ROBO1: variants seen among roughly 807,000 people sequenced by gnomAD.
ROBO1 encodes roundabout homolog 1.
In ROBO1, 149 loss-of-function variants were observed where a neutral mutation model predicts 195.9. The observed-to-expected ratio is 0.76, with a 90% CI of 0.67 to 0.87. The LOEUF (loss-of-function observed/expected upper bound fraction) is 0.87. Ranked by LOEUF, ROBO1 falls within the 40% of genes least tolerant of loss-of-function variation. The pLI is 0.00. For missense variants in ROBO1, 1,933 were observed against 2,068.3 expected (o/e 0.93, Z 1.27); for synonymous variants, 816 against 733.2 (o/e 1.11, Z -1.82).
In ROBO1 at chr3:79,583,509, A is replaced by G. The variant is rs140860798; in HGVS notation, c.88+6315T>C. 3.5e-4 allele frequency among the ~76,000 whole-genome samples: 53 copies of G among 152,062 alleles called. 1 individual carries two copies. The East Asian group carries it at 0.01, about 29-fold the overall frequency. On this transcript the variant is annotated intron_variant, in intron 2 of 30. Transcript: ENST00000464233. ...AATTCTGGAGAAATATCTGAAAAAG[A>G]TATTTCTTCCTAAGGAAGAAGAAAA...
chr3:79,240,078 T>C (rs902227843), intron 2 of ROBO1, among the ~76,000 whole-genome samples: 1 of 152,168 alleles, frequency 6.6e-6, no homozygotes, highest in Admixed American at 6.5e-5. Flanking sequence ...CTTTTAGCAA[T>C]GTTTAGGTAT....
intron 2 of ROBO1, among the ~76,000 whole-genome samples, chr3:79,580,848 T>C (rs1943638509): frequency 6.8e-6 from 1 of 148,106 alleles, no homozygotes; most frequent in South Asian, 2.1e-4. Flanking sequence ...TACATTCAAC[T>C]TCTTCTCAAG....
chr3:79,322,922 A>C (rs1056010670), intron 2 of ROBO1, among the ~76,000 whole-genome samples: 1 of 152,228 alleles, frequency 6.6e-6, no homozygotes, highest in Non-Finnish European at 1.5e-5. Context: ...CAATTTGTTA[A>C]TCTTTTAAAT....
intron 2 of ROBO1, among the ~76,000 whole-genome samples, chr3:79,532,404 T>C (rs1209943165): frequency 6.6e-6 from 1 of 152,138 alleles, no homozygotes; most frequent in African/African-American, 2.4e-5. Flanking sequence ...TTTCTAAACA[T>C]AGAAGGAAAA....
chr3:79,653,023 C>A (rs1489678574), intron 1 of ROBO1, among the ~76,000 whole-genome samples: 1 of 151,688 alleles, frequency 6.6e-6, no homozygotes, highest in Non-Finnish European at 1.5e-5. Flanking sequence ...TATGTTTTTG[C>A]TTCACTTAAC....
At chr3:79,486,142 C>T (rs1244057348) in intron 2 of ROBO1, among the ~76,000 whole-genome samples, 1 of 152,088 alleles carries the variant, frequency 6.6e-6, no homozygotes, top group East Asian at 1.9e-4. Context: ...AATAAAAGCT[C>T]TCAGAAGAGT....
At chr3:78,978,145 T>C (rs1262814029) in intron 3 of ROBO1, among the ~76,000 whole-genome samples, 2 of 152,140 alleles carry the variant, frequency 1.3e-5, no homozygotes, top group African/African-American at 2.4e-5. Context: ...GTAGATGATA[T>C]TTTGATTTCA....
chr3:79,671,825 T>C (rs1022729814), intron 1 of ROBO1, among the ~76,000 whole-genome samples: 5 of 151,920 alleles, frequency 3.3e-5, no homozygotes, highest in African/African-American at 7.2e-5. Context: ...ATTAGCATAA[T>C]TGAGTGTTCA....
intron 2 of ROBO1, among the ~76,000 whole-genome samples, chr3:79,531,353 G>A (rs1053149654): frequency 2.6e-5 from 4 of 152,050 alleles, no homozygotes; most frequent in Admixed American, 6.6e-5. Flanking sequence ...CAGGCATGGC[G>A]GCTCAGGCCT....
intron 2 of ROBO1, among the ~76,000 whole-genome samples, chr3:79,514,497 C>A (rs775149603): frequency 1.3e-5 from 2 of 151,912 alleles, no homozygotes. Flanking sequence ...AACCTTTGGG[C>A]TGGACACAGT....
chr3:79,659,314 A>G (rs1025464216), intron 1 of ROBO1, among the ~76,000 whole-genome samples: 104 of 152,264 alleles, frequency 6.8e-4, no homozygotes, highest in African/African-American at 2.4e-3. Flanking sequence ...TGATTTAGCC[A>G]TTTAACTCTT....
At chr3:78,643,352 C>T (rs1464351873) in intron 21 of ROBO1, among the ~76,000 whole-genome samples, 1 of 152,124 alleles carries the variant, frequency 6.6e-6, no homozygotes, top group East Asian at 1.9e-4. Flanking sequence ...AATTCACTGA[C>T]CTCTGACATA....
At chr3:79,264,390 C>T (rs1321224149) in intron 2 of ROBO1, among the ~76,000 whole-genome samples, 1 of 151,678 alleles carries the variant, frequency 6.6e-6, no homozygotes, top group Non-Finnish European at 1.5e-5. Flanking sequence ...CTAAGTCTAT[C>T]TCCTCATTAT....
chr3:78,914,428 G>GT (rs1267065763), intron 4 of ROBO1, among the ~76,000 whole-genome samples: 2 of 151,862 alleles, frequency 1.3e-5, no homozygotes, highest in African/African-American at 4.8e-5. Flanking sequence ...TGTTGAAAAG[G>GT]TTTAAGGTTA....
At chr3:78,938,542 A>T in intron 4 of ROBO1, 59 bp downstream of exon 4, 1 of 1,459,370 alleles carries the variant, frequency 6.9e-7, no homozygotes, top group Non-Finnish European at 9.3e-7. Context: ...GCCATGATCA[A>T]ACAAATGACG....
intron 1 of ROBO1, among the ~76,000 whole-genome samples, chr3:79,764,046 G>GAATAGTC (rs1704854720): frequency 6.6e-6 from 1 of 152,142 alleles, no homozygotes; most frequent in African/African-American, 2.4e-5. Context: ...CTTTTTGGCT[G>GAATAGTC]AATAGTCATG....
intron 4 of ROBO1, among the ~76,000 whole-genome samples, chr3:78,919,484 T>C (rs1367054798): frequency 6.6e-6 from 1 of 152,136 alleles, no homozygotes; most frequent in African/African-American, 2.4e-5. Context: ...AAAATGGAAA[T>C]AGTATGTGCT....
intron 2 of ROBO1, among the ~76,000 whole-genome samples, chr3:79,382,923 T>A (rs1367836487): frequency 6.6e-6 from 1 of 152,134 alleles, no homozygotes; most frequent in Non-Finnish European, 1.5e-5. Flanking sequence ...ACACAGAATC[T>A]ATCTCCTAAG....
At chr3:79,318,837 G>C (rs1428072224) in intron 2 of ROBO1, among the ~76,000 whole-genome samples, 2 of 152,110 alleles carry the variant, frequency 1.3e-5, no homozygotes, top group African/African-American at 4.8e-5. Context: ...CTAAGACAAA[G>C]AGCCACAAAT....
Sources: allele counts gnomAD v4.1 joint callset (sites outside exome capture counted in the v4.1 genomes callset), GRCh38; gene constraint gnomAD v4.1.1; transcripts MANE v1.5; gene names NCBI Gene and HGNC (gene_info 2026-07-23, HGNC 2026-07-21).